The following URI1 variants were observed in gnomAD, a reference collection of about 807,000 sequenced individuals.
URI1 encodes unconventional prefoldin RPB5 interactor 1.
A neutral mutation model predicts 60.2 loss-of-function variants in URI1; 39 were observed. The ratio of observed to expected loss-of-function variants is 0.65; its 90% CI spans 0.50 to 0.85. URI1 has a LOEUF of 0.85. Among genes scored for constraint, URI1 ranks in the 40% least tolerant of loss-of-function variants. The pLI, the probability that URI1 is intolerant of heterozygous loss-of-function variation, is 0.00. For missense variants in URI1, 691 were observed against 665.9 expected (o/e 1.04, Z -0.42); for synonymous variants, 251 against 236.8 (o/e 1.06, Z -0.55).
In URI1 at chr19:29,954,511, C is replaced by CTTT. The variant is rs11411965; in HGVS notation, c.117+11865_117+11867dup. ...GCTCTTACTTACCCCTACAGATAAACTTTTTTTTTTTTTTTTTTTTGAGAC... is the reference window on the plus strand; with the variant it reads ...GCTCTTACTTACCCCTACAGATAAACTTTTTTTTTTTTTTTTTTTTTTTGAGAC... On this transcript the variant is annotated intron_variant, in intron 1 of 10. Transcript: ENST00000392271. 1.6e-3 allele frequency among the ~76,000 whole-genome samples: 189 copies of CTTT among 115,850 alleles called. 3 individuals carry two copies. Among genetic ancestry groups the CTTT allele is most frequent in the African/African-American group, 3.3e-3 (100 of 29,868 alleles). 76.0% of individuals were successfully genotyped at this position (115,850 alleles called of 152,430 possible).
intron 3 of URI1, 51 bp downstream of exon 3, chr19:29,985,352 T>A (rs1266015517): frequency 6.8e-7 from 1 of 1,472,098 alleles, no homozygotes; most frequent in African/African-American, 1.4e-5. Context: ...TGTAAACATA[T>A]TAACTATGTG....
chr19:29,984,748 C>A (rs1405512409), intron 2 of URI1, among the ~76,000 whole-genome samples: 2 of 152,016 alleles, frequency 1.3e-5, no homozygotes, highest in African/African-American at 4.8e-5. Flanking sequence ...TTTTATGATA[C>A]CTGGCCTACT....
At chr19:29,936,682 A>G (rs1047451458) in intron 1 of URI1, among the ~76,000 whole-genome samples, 1 of 152,138 alleles carries the variant, frequency 6.6e-6, no homozygotes, top group South Asian at 2.1e-4. Context: ...CTTCTCCTTC[A>G]GGAACTTCTA....
chr19:30,001,015 G>C (rs1253031255), intron 4 of URI1, among the ~76,000 whole-genome samples: 1 of 151,638 alleles, frequency 6.6e-6, no homozygotes. Context: ...CTTTGTTACA[G>C]CATCCTGTTC....
intron 1 of URI1, among the ~76,000 whole-genome samples, chr19:29,969,223 A>G (rs1409827620): frequency 1.3e-5 from 2 of 152,120 alleles, no homozygotes; most frequent in African/African-American, 4.8e-5. Flanking sequence ...TCTCTTGTAC[A>G]TTGTGAAATG....
At chr19:29,963,957 C>A (rs2055357692) in intron 1 of URI1, among the ~76,000 whole-genome samples, 1 of 152,158 alleles carries the variant, frequency 6.6e-6, no homozygotes, top group African/African-American at 2.4e-5. Flanking sequence ...ATCTTTTTGG[C>A]CTTCGCAGCT....
intron 1 of URI1, among the ~76,000 whole-genome samples, chr19:29,946,745 A>G (rs1422601048): frequency 1.3e-5 from 2 of 152,372 alleles, no homozygotes; most frequent in South Asian, 2.1e-4. Flanking sequence ...CACGTAGGCC[A>G]TATAACAGCT....
chr19:29,934,363 A>G (rs1197421638), intron 1 of URI1, among the ~76,000 whole-genome samples: 1 of 152,218 alleles, frequency 6.6e-6, no homozygotes. Flanking sequence ...CGAAGTGAGT[A>G]GCTTAAACAA....
chr19:29,965,739 A>G (rs562165958), intron 1 of URI1, among the ~76,000 whole-genome samples: 3 of 152,316 alleles, frequency 2.0e-5, no homozygotes, highest in Admixed American at 6.5e-5. Flanking sequence ...AATATTTCCA[A>G]TAGGAGAAAA....
chr19:29,970,128 ATTTTTTTTTTTTTTT>A (rs199739403), intron 1 of URI1, among the ~76,000 whole-genome samples: 8 of 74,540 alleles, frequency 1.1e-4, no homozygotes, highest in East Asian at 6.2e-4. Context: ...AATCGTGTGT[ATTTTTTTTTTTTTTT>A]TTTTTTTTTT....
intron 1 of URI1, among the ~76,000 whole-genome samples, chr19:29,944,161 A>AAAACT (rs1287797318): frequency 3.1e-5 from 2 of 65,234 alleles, no homozygotes; most frequent in East Asian, 6.2e-4. Flanking sequence ...ATATATATAT[A>AAAACT]TATATATATA....
At chr19:29,967,157 G>A (rs1248159089) in intron 1 of URI1, among the ~76,000 whole-genome samples, 1 of 152,180 alleles carries the variant, frequency 6.6e-6, no homozygotes, top group Non-Finnish European at 1.5e-5. Context: ...AGCAGCTTCT[G>A]AGGAACAACA....
intron 1 of URI1, among the ~76,000 whole-genome samples, chr19:29,931,248 A>G (rs1003127972): frequency 2.0e-5 from 3 of 152,156 alleles, no homozygotes; most frequent in African/African-American, 7.2e-5. Flanking sequence ...TTGAACTGCT[A>G]TAACAAAATA....
upstream of URI1, among the ~76,000 whole-genome samples, chr19:29,940,018 A>G (rs1481538104): frequency 1.3e-5 from 2 of 152,160 alleles, no homozygotes; most frequent in Admixed American, 6.5e-5. Flanking sequence ...TGCTGAGTGG[A>G]TAATAGTTTA....
upstream of URI1, among the ~76,000 whole-genome samples, chr19:29,939,890 G>A (rs1284792071): frequency 2.0e-5 from 3 of 152,120 alleles, no homozygotes; most frequent in African/African-American, 4.8e-5. Context: ...AGGTGGGTCC[G>A]ACAATGCTGA....
chr19:30,007,377 T>A, intron 6 of URI1, 93 bp from the exon 7 acceptor site: 1 of 1,396,408 alleles, frequency 7.2e-7, no homozygotes, highest in Non-Finnish European at 9.7e-7. Context: ...TTTCAATATT[T>A]CCCTTGCCCC....
chr19:29,959,464 A>T (rs2055294289), intron 1 of URI1, among the ~76,000 whole-genome samples: 1 of 152,246 alleles, frequency 6.6e-6, no homozygotes, highest in South Asian at 2.1e-4. Flanking sequence ...GGAAGAGTTC[A>T]TCAACAAAGC....
At position 29,930,622 on chromosome 19, in the gene URI1, C is replaced by T. The variant is rs112349357; in HGVS notation, c.63+6868C>T. Among the ~76,000 whole-genome samples the T allele has an allele frequency of 4.9e-4, 75 of 151,958 alleles. No individual in the cohort carries two copies. In the East Asian group the frequency reaches 0.012, roughly 25 times the overall value. The stretch of plus-strand genomic sequence containing the variant: ...GAAATTCTCGTCAAAAATCAGTACG[C>T]GAGAGGGTTTATTTTCTGGGCTCTT... On this transcript the variant is annotated intron_variant, in intron 1 of 10. Coordinates refer to the URI1 transcript ENST00000360605.
intron 4 of URI1, among the ~76,000 whole-genome samples, chr19:30,000,087 A>G (rs1318526584): frequency 6.6e-6 from 1 of 151,202 alleles, no homozygotes; most frequent in South Asian, 2.1e-4. Flanking sequence ...TCTTTTTGCT[A>G]TTGTTGTATC....
Sources: gnomAD v4.1 joint callset for allele counts (sites outside exome capture counted in the v4.1 genomes callset) on GRCh38, gnomAD v4.1.1 for gene constraint, MANE v1.5 for transcripts, NCBI Gene and HGNC (gene_info 2026-07-23, HGNC 2026-07-21) for gene names.